The following PDE1A variants were observed in gnomAD, a reference collection of about 807,000 sequenced individuals.
The protein encoded by PDE1A is dual specificity calcium/calmodulin-dependent 3',5'-cyclic nucleotide phosphodiesterase 1A.
Under a neutral mutation model 61.7 loss-of-function variants are expected in PDE1A, and 35 were observed. The ratio of observed to expected loss-of-function variants is 0.57; its 90% CI spans 0.43 to 0.75. The LOEUF (loss-of-function observed/expected upper bound fraction) is 0.75. Among genes scored for constraint, PDE1A ranks in the 30% least tolerant of loss-of-function variants. The probability of loss-of-function intolerance (pLI) is 0.00; values close to 1 mark genes in which losing one functional copy is unlikely to be tolerated. For synonymous variants in PDE1A, 232 were observed against 213.2 expected (o/e 1.09, Z -0.77); for missense variants, 597 against 630.6 (o/e 0.95, Z 0.57).
chr2:182,345,590 T>G (rs2087587810), intron 1 of PDE1A, among the ~76,000 whole-genome samples: 1 of 152,138 alleles, frequency 6.6e-6, no homozygotes, highest in Non-Finnish European at 1.5e-5. Context: ...CCACGCCTCC[T>G]CTTAATCACA....
intron 1 of PDE1A, among the ~76,000 whole-genome samples, chr2:182,306,832 C>T (rs116630197): frequency 2.2e-3 from 329 of 152,106 alleles, no homozygotes; most frequent in South Asian, 5.2e-3. Context: ...ATGTATGACC[C>T]GAAACTGTGA....
chr2:182,599,080 G>A, the PDE1A span, among the ~76,000 whole-genome samples: 3 of 152,172 alleles, frequency 2.0e-5, no homozygotes, highest in Admixed American at 6.5e-5. Context: ...CAGGAGCTCC[G>A]CAGGTGTCGC....
At chr2:182,426,599 T>C (rs765730128) in exon 1 of PDE1A, 5 of 1,612,068 alleles carry the variant, frequency 3.1e-6, no homozygotes, top group Non-Finnish European at 4.2e-6. Context: ...TCTTTGGAGA[T>C]GTTTCTTCCT....
At chr2:182,267,923 T>G (rs1692750061) in intron 1 of PDE1A, among the ~76,000 whole-genome samples, 1 of 152,150 alleles carries the variant, frequency 6.6e-6, no homozygotes, top group African/African-American at 2.4e-5. Flanking sequence ...AATCACATCC[T>G]ATTTACCTAA....
chr2:182,649,607 CAAAAA>C, the PDE1A span, among the ~76,000 whole-genome samples: 48 of 113,094 alleles, frequency 4.2e-4, no homozygotes, highest in African/African-American at 1.2e-3. Flanking sequence ...CCACTCTATA[CAAAAA>C]AAAAAAAAAA....
the PDE1A span, among the ~76,000 whole-genome samples, chr2:182,614,119 T>C: frequency 1.1e-4 from 16 of 152,378 alleles, no homozygotes; most frequent in African/African-American, 3.6e-4. Flanking sequence ...CTTCAATTTA[T>C]GTATATTTTA....
In PDE1A at chr2:182,297,372, G is replaced by C. The variant is rs530821233; in HGVS notation, c.54-32958C>G. On this transcript the variant is annotated intron_variant, in intron 1 of 13. Coordinates refer to ENST00000351439, the Ensembl canonical transcript of PDE1A. ...AACTCTATTTCCTGAGCCCAGTGGA[G>C]AAAAAAACAAGAGCTATTTTTTAAT... Among the ~76,000 whole-genome samples the C allele has an allele frequency of 1.8e-3, 269 of 152,064 alleles. 1 individual carries two copies. The highest frequency in any genetic ancestry group is 6.3e-3 in the African/African-American group (263 of 41,510).
intron 5 of PDE1A, among the ~76,000 whole-genome samples, chr2:182,230,635 A>G (rs1689506642): frequency 6.6e-6 from 1 of 152,194 alleles, no homozygotes; most frequent in African/African-American, 2.4e-5. Flanking sequence ...AATGAAGTTA[A>G]TTAGAAACCC....
chr2:182,507,090 A>G (rs1385038285), intron 2 of PDE1A, among the ~76,000 whole-genome samples: 10 of 152,222 alleles, frequency 6.6e-5, no homozygotes, highest in Admixed American at 6.5e-4. Context: ...TTCTAAAAAG[A>G]GAGACCTCAA....
the PDE1A span, among the ~76,000 whole-genome samples, chr2:182,674,914 T>A: frequency 6.6e-6 from 1 of 152,140 alleles, no homozygotes; most frequent in Non-Finnish European, 1.5e-5. Flanking sequence ...AATGGGCCAT[T>A]TGATTTTCTT....
the PDE1A span, among the ~76,000 whole-genome samples, chr2:182,700,293 C>T: frequency 2.6e-5 from 4 of 152,122 alleles, no homozygotes; most frequent in Non-Finnish European, 4.4e-5. Flanking sequence ...ATATGTAGGC[C>T]GGGCGCGGTG....
the PDE1A span, among the ~76,000 whole-genome samples, chr2:182,677,601 A>C: frequency 6.6e-6 from 1 of 152,200 alleles, no homozygotes; most frequent in African/African-American, 2.4e-5. Flanking sequence ...ACAATGCTGA[A>C]GGCATCAGGC....
the PDE1A span, among the ~76,000 whole-genome samples, chr2:182,614,015 A>G: frequency 1.7e-3 from 254 of 152,372 alleles, 4 homozygotes; most frequent in Admixed American, 0.014. Flanking sequence ...GAGGTATCCT[A>G]TCTGATGTAA....
intron 1 of PDE1A, among the ~76,000 whole-genome samples, chr2:182,328,544 A>T (rs1697196695): frequency 6.6e-6 from 1 of 152,174 alleles, no homozygotes; most frequent in African/African-American, 2.4e-5. Flanking sequence ...TATGATCAAG[A>T]ATTTTTGGAG....
At chr2:182,695,673 AAAAAAAAAAAAAG>A in the PDE1A span, among the ~76,000 whole-genome samples, 1 of 90,704 alleles carries the variant, frequency 1.1e-5, no homozygotes, top group African/African-American at 3.8e-5. Context: ...TCTCAAAAAA[AAAAAAAAAAAAAG>A]AAAAAGAAAA....
chr2:182,560,411 G>T, the PDE1A span, among the ~76,000 whole-genome samples: 1,566 of 151,438 alleles, frequency 0.01, 22 homozygotes, highest in African/African-American at 0.036. Flanking sequence ...TTTTATGGCT[G>T]CATAGTATTC....
At chr2:182,489,015 T>A (rs550900522) in intron 2 of PDE1A, among the ~76,000 whole-genome samples, 1 of 152,312 alleles carries the variant, frequency 6.6e-6, no homozygotes, top group Non-Finnish European at 1.5e-5. Flanking sequence ...GAAAAGTTTA[T>A]AAATAAAACT....
intron 2 of PDE1A, among the ~76,000 whole-genome samples, chr2:182,451,810 C>A (rs906846127): frequency 2.0e-5 from 3 of 152,034 alleles, no homozygotes; most frequent in Non-Finnish European, 4.4e-5. Context: ...TCTCCTACTG[C>A]CTCCACGGCT....
the PDE1A span, among the ~76,000 whole-genome samples, chr2:182,568,564 G>A: frequency 1.2e-4 from 19 of 152,248 alleles, no homozygotes; most frequent in African/African-American, 4.3e-4. Flanking sequence ...TACTCGGAAG[G>A]CTGAGGCAGG....
Sources: gnomAD v4.1 joint callset for allele counts (sites outside exome capture counted in the v4.1 genomes callset) on GRCh38, gnomAD v4.1.1 for gene constraint, MANE v1.5 for transcripts, NCBI Gene and HGNC (gene_info 2026-07-23, HGNC 2026-07-21) for gene names.